Variants in CDKL4 observed in about 807,000 individuals in gnomAD.
CDKL4 encodes the protein cyclin dependent kinase like 4, also known as cyclin-dependent kinase-like 4.
Under a neutral mutation model 42.0 loss-of-function variants are expected in CDKL4, and 44 were observed. That is an observed-to-expected ratio of 1.05 (90% CI 0.82 to 1.35). The LOEUF is 1.35. Among genes scored for constraint, CDKL4 ranks in the 40% most tolerant of loss-of-function variants. CDKL4 has a pLI of 0.00. For missense variants in CDKL4, 393 were observed against 369.9 expected (o/e 1.06, Z -0.51); for synonymous variants, 120 against 121.6 (o/e 0.99, Z 0.09).
At chr2:39,205,880 T>C (rs1037400182) in intron 4 of CDKL4, among the ~76,000 whole-genome samples, 1 of 152,050 alleles carries the variant, frequency 6.6e-6, no homozygotes, top group African/African-American at 2.4e-5. Context: ...GTCCCCTGCT[T>C]AGCAGAGATT....
At chr2:39,225,745 A>G (rs1678669040) in intron 3 of CDKL4, 94 bp downstream of exon 3, 3 of 1,278,802 alleles carry the variant, frequency 2.3e-6, no homozygotes, top group African/African-American at 1.5e-5. Context: ...AGAAAGGGGA[A>G]TTGTGGCTGG....
chr2:39,186,500 C>T (rs1169810879), intron 7 of CDKL4, among the ~76,000 whole-genome samples: 7 of 152,062 alleles, frequency 4.6e-5, no homozygotes, highest in Non-Finnish European at 1.0e-4. Context: ...ATAGCCTGAA[C>T]TTAGGTAACA....
At chr2:39,195,060 C>T (rs139432794) in intron 5 of CDKL4, among the ~76,000 whole-genome samples, 14 of 152,268 alleles carry the variant, frequency 9.2e-5, no homozygotes, top group East Asian at 3.9e-4. Context: ...TAGAATCATA[C>T]GATATTTGTC....
At chr2:39,217,586 T>C (rs1381248442) in intron 3 of CDKL4, among the ~76,000 whole-genome samples, 1 of 152,192 alleles carries the variant, frequency 6.6e-6, no homozygotes. Context: ...ACAAGGCTGT[T>C]AATAACATTT....
At chr2:39,239,292 G>A (rs1160294820) in intron 1 of CDKL4, among the ~76,000 whole-genome samples, 1 of 151,012 alleles carries the variant, frequency 6.6e-6, no homozygotes, top group Non-Finnish European at 1.5e-5. Flanking sequence ...GTGACTTTCA[G>A]TTATGCAGAT....
chr2:39,168,441 G>A, the CDKL4 span, among the ~76,000 whole-genome samples: 1 of 152,154 alleles, frequency 6.6e-6, no homozygotes, highest in Non-Finnish European at 1.5e-5. Context: ...TAAATTAAAA[G>A]TTGACTGAGC....
intron 1 of CDKL4, among the ~76,000 whole-genome samples, chr2:39,243,309 T>C (rs979656050): frequency 6.6e-6 from 1 of 152,168 alleles, no homozygotes; most frequent in Non-Finnish European, 1.5e-5. Flanking sequence ...GGCCATTAAA[T>C]CATTGTTTTA....
At chr2:39,243,151 AG>A (rs1679747443) in intron 1 of CDKL4, among the ~76,000 whole-genome samples, 13 of 98,602 alleles carry the variant, frequency 1.3e-4, no homozygotes, top group African/African-American at 3.6e-4. Context: ...AAAAAAAAAA[AG>A]GAATGACGAG....
Position 39,190,499 on chromosome 2 carries a change from G to A in CDKL4, c.458C>T (p.Pro153Leu), listed in dbSNP as rs1326934771. 8 of 1,613,832 alleles carry A rather than the reference G, an allele frequency of 5.0e-6. No homozygotes were observed. The African/African-American group carries it at 5.3e-5, about 11-fold the overall frequency. The change falls in exon 6 of 10, where the codon CCA becomes CTA. Residue 153 changes from proline to leucine, a missense_variant. Physicochemically the swap from Pro to Leu is moderately conservative, Grantham distance 98. Transcript: ENST00000451199. ...TACATAATCGGTGTAGGCATCTCCT[G>A]GAACTGCAAATGCATCAATCAGATC...
At position 39,221,170 on chromosome 2, in the gene CDKL4, C is replaced by A. The variant is rs145982321; in HGVS notation, c.290+4669G>T. On this transcript the variant is annotated intron_variant, in intron 3 of 9. Coordinates refer to ENST00000451199, the Ensembl canonical transcript of CDKL4. ...CTGGGACTACAGGTGCCCGCCACCA[C>A]GCCTGGCTAATTTTTTTGTATTTTT... 8.5e-3 allele frequency among the ~76,000 whole-genome samples: 1,293 copies of A among 151,388 alleles called. 23 individuals are homozygous for A. Among genetic ancestry groups the A allele is most frequent in the African/African-American group, 0.029 (1,207 of 41,284 alleles).
intron 5 of CDKL4, among the ~76,000 whole-genome samples, chr2:39,201,310 A>AT (rs1050773449): frequency 1.3e-5 from 2 of 151,546 alleles, no homozygotes; most frequent in Non-Finnish European, 1.5e-5. Context: ...AAAATAAAAA[A>AT]AAAAAAACTA....
chr2:39,177,593 TG>T (rs1275814876), intron 9 of CDKL4, among the ~76,000 whole-genome samples: 1 of 150,648 alleles, frequency 6.6e-6, no homozygotes, highest in Non-Finnish European at 1.5e-5. Flanking sequence ...TTAGTAGAGA[TG>T]GGGTTTTGCC....
chr2:39,227,071 C>T (rs1187060201), intron 2 of CDKL4, among the ~76,000 whole-genome samples: 1 of 152,130 alleles, frequency 6.6e-6, no homozygotes, highest in South Asian at 2.1e-4. Context: ...CAGGCGTGAG[C>T]CATTGGGCCT....
chr2:39,189,085 C>A (rs934878995), intron 6 of CDKL4, among the ~76,000 whole-genome samples: 1 of 152,178 alleles, frequency 6.6e-6, no homozygotes, highest in African/African-American at 2.4e-5. Context: ...GTGTGGCCTG[C>A]AGTGGTAATC....
intron 5 of CDKL4, among the ~76,000 whole-genome samples, chr2:39,200,888 A>C (rs1676801802): frequency 6.6e-6 from 1 of 152,000 alleles, no homozygotes; most frequent in Non-Finnish European, 1.5e-5. Context: ...TAAAAATTCT[A>C]GAAGATAACA....
At chr2:39,245,758 T>C (rs1679889094), upstream of CDKL4, among the ~76,000 whole-genome samples, 2 of 152,236 alleles carry the variant, frequency 1.3e-5, no homozygotes, top group Admixed American at 6.5e-5. Context: ...TGCAAGATTC[T>C]CTGTCATTAG....
exon 6 of CDKL4, chr2:39,190,426 C>G (rs766353994): frequency 2.6e-5 from 42 of 1,614,102 alleles, no homozygotes; most frequent in Non-Finnish European, 3.5e-5. Flanking sequence ...AAGAACCATA[C>G]TGAGTATCTC....
chr2:39,227,450 T>C (rs1678821508), intron 2 of CDKL4, among the ~76,000 whole-genome samples: 1 of 152,042 alleles, frequency 6.6e-6, no homozygotes, highest in South Asian at 2.1e-4. Flanking sequence ...GCTCCACAGC[T>C]GGGGAAAAGA....
chr2:39,226,884 A>G (rs555986389), intron 2 of CDKL4, among the ~76,000 whole-genome samples: 18 of 152,000 alleles, frequency 1.2e-4, no homozygotes, highest in Admixed American at 2.6e-4. Context: ...CTCATGCCTT[A>G]GCCTTTGCTG....
Sources: gnomAD v4.1 joint callset for allele counts (sites outside exome capture counted in the v4.1 genomes callset) on GRCh38, gnomAD v4.1.1 for gene constraint, MANE v1.5 for transcripts, NCBI Gene and HGNC (gene_info 2026-07-23, HGNC 2026-07-21) for gene names.